Variants in CNGA1 observed in about 807,000 individuals in gnomAD.
CNGA1 encodes cyclic nucleotide gated channel subunit alpha 1.
Under a neutral mutation model 69.7 loss-of-function variants are expected in CNGA1, and 53 were observed. The ratio of observed to expected loss-of-function variants is 0.76; its 90% confidence interval spans 0.61 to 0.96. CNGA1 has a LOEUF of 0.96. Ranked by LOEUF, CNGA1 falls within the 40% of genes least tolerant of loss-of-function variation. The probability of loss-of-function intolerance (pLI) is 0.00; values close to 1 mark genes in which losing one functional copy is unlikely to be tolerated. For missense variants in CNGA1, 739 were observed against 811.2 expected (o/e 0.91, Z 1.08); for synonymous variants, 249 against 283.5 (o/e 0.88, Z 1.22).
At chr4:47,988,722 A>C (rs780409894) in intron 2 of CNGA1, among the ~76,000 whole-genome samples, 1 of 152,128 alleles carries the variant, frequency 6.6e-6, no homozygotes, top group Non-Finnish European at 1.5e-5. Context: ...CAATTCATCA[A>C]ATTGCCTCCT....
chr4:47,942,301 A>G (rs1200490943), intron 8 of CNGA1, among the ~76,000 whole-genome samples, 153 bp from the exon 9 acceptor site: 2 of 152,036 alleles, frequency 1.3e-5, no homozygotes, highest in African/African-American at 4.8e-5. Flanking sequence ...AGCATGGCAT[A>G]AGAGCACTAG....
chr4:47,980,063 C>A (rs1220458276), intron 3 of CNGA1, among the ~76,000 whole-genome samples: 1 of 152,140 alleles, frequency 6.6e-6, no homozygotes, highest in Non-Finnish European at 1.5e-5. Flanking sequence ...AGGGCGTATT[C>A]TCTAGGGGAC....
chr4:47,954,524 C>A (rs892523216), intron 3 of CNGA1, among the ~76,000 whole-genome samples: 1 of 152,202 alleles, frequency 6.6e-6, no homozygotes, highest in East Asian at 1.9e-4. Flanking sequence ...TGCCGCACGT[C>A]CTGCAAGGGG....
At chr4:47,941,123 T>G (rs187698698) in intron 9 of CNGA1, among the ~76,000 whole-genome samples, 40 of 152,224 alleles carry the variant, frequency 2.6e-4, no homozygotes, top group Admixed American at 2.4e-3. Flanking sequence ...CCAATAAGAA[T>G]AAGTGGGTTG....
At chr4:47,937,944 A>T (rs1157100009) in intron 10 of CNGA1, 115 bp from the exon 11 acceptor site, 1 of 738,758 alleles carries the variant, frequency 1.4e-6, no homozygotes, top group African/African-American at 1.8e-5. Context: ...ATTTTCAATA[A>T]ATATGCCTTT....
At chr4:47,970,410 G>A (rs1740950239) in intron 3 of CNGA1, among the ~76,000 whole-genome samples, 1 of 152,048 alleles carries the variant, frequency 6.6e-6, no homozygotes, top group Non-Finnish European at 1.5e-5. Context: ...CAGCACTTTG[G>A]GAGACTGAGG....
At chr4:47,953,630 T>C (rs2110162259) in intron 3 of CNGA1, among the ~76,000 whole-genome samples, 1 of 152,284 alleles carries the variant, frequency 6.6e-6, no homozygotes, top group African/African-American at 2.4e-5. Flanking sequence ...TCAGCTCAGG[T>C]AGAGGAGGCA....
rs775886085 is a variant in CNGA1 at position 47,940,786 on chromosome 4, T to A, written c.629A>T (p.Asp210Val). 3.7e-6 allele frequency: 6 copies of A among 1,605,864 alleles called. No individual in the cohort carries two copies. Among genetic ancestry groups the A allele is most frequent in the Non-Finnish European group, 5.1e-6 (6 of 1,172,804 alleles). ...DYVSDIVYLIDMFVRTRTGYL... is the reference protein window; with the variant it reads ...DYVSDIVYLIVMFVRTRTGYL... ...ACCTGTCCTTGTTCGTACAAACATA[T>A]CGATTAAATAGACTATGTCTGATAC... Residue 210 changes from aspartate (D) to valine (V), a missense_variant, in exon 10 of 11, where the codon GAT (aspartate) becomes GTT (valine). Physicochemically the swap from Asp to Val is radical, Grantham distance 152. Coordinates refer to ENST00000514170, the MANE Select transcript of CNGA1 (RefSeq NM_001379270.1).
At position 47,985,212 on chromosome 4, in the gene CNGA1, T is replaced by G. The variant is rs538919383; in HGVS notation, c.-122-3712A>C. ...ATTGTAAATACTTGAGAAGAGGCTA[T>G]CAATTTTAAAAAGACAAATATCAAA... On this transcript the variant is annotated intron_variant, in intron 2 of 10. Coordinates refer to ENST00000514170, the MANE Select transcript of CNGA1 (RefSeq NM_001379270.1). Among the ~76,000 whole-genome samples, 11 of 152,344 alleles carry G rather than the reference T, an allele frequency of 7.2e-5. No homozygotes were observed. In the South Asian group the frequency reaches 2.1e-3, roughly 29 times the overall value.
At chr4:47,981,131 T>C (rs141910528) in intron 3 of CNGA1, among the ~76,000 whole-genome samples, 7 of 152,336 alleles carry the variant, frequency 4.6e-5, no homozygotes, top group African/African-American at 1.7e-4. Context: ...TTTTGACTTC[T>C]AAAAATAAAA....
intron 2 of CNGA1, among the ~76,000 whole-genome samples, chr4:48,006,623 A>G (rs1714929627): frequency 6.8e-6 from 1 of 147,566 alleles, no homozygotes; most frequent in African/African-American, 2.5e-5. Context: ...GTTCAAAAAA[A>G]GACATAATTT....
intron 3 of CNGA1, among the ~76,000 whole-genome samples, chr4:47,955,546 G>C (rs557641195): frequency 6.6e-6 from 1 of 152,116 alleles, no homozygotes; most frequent in Non-Finnish European, 1.5e-5. Context: ...AAGGTACAAA[G>C]TGGTGTTCCA....
Position 47,936,410 on chromosome 4 carries a change from G to C in CNGA1, c.*11C>G. On this transcript the variant is annotated 3_prime_UTR_variant, in exon 11 of 11. Transcript: ENST00000514170. Reference sequence around the variant, plus strand: ...TGAGGCATGTCCCTGTTAATGACCAGCTTTTCGGTTCTATGTAGAGTCGAT... The same window carrying C: ...TGAGGCATGTCCCTGTTAATGACCACCTTTTCGGTTCTATGTAGAGTCGAT... 6.2e-7 allele frequency: 1 copy of C among 1,613,846 alleles called. No homozygotes were observed.
intron 3 of CNGA1, among the ~76,000 whole-genome samples, chr4:47,976,726 T>C (rs994628133): frequency 1.3e-5 from 2 of 152,220 alleles, no homozygotes; most frequent in African/African-American, 4.8e-5. Context: ...CAATCTGTAT[T>C]TCATTAATAT....
intron 3 of CNGA1, among the ~76,000 whole-genome samples, chr4:47,956,279 C>G (rs1459433748): frequency 6.6e-6 from 1 of 152,222 alleles, no homozygotes; most frequent in Non-Finnish European, 1.5e-5. Flanking sequence ...CGTCTGGTTA[C>G]TAGCTTTCCT....
At chr4:47,966,208 T>C (rs1740714550) in intron 3 of CNGA1, among the ~76,000 whole-genome samples, 1 of 152,246 alleles carries the variant, frequency 6.6e-6, no homozygotes, top group East Asian at 1.9e-4. Flanking sequence ...CTGATTGAAG[T>C]CATGCTCTAG....
At chr4:47,941,953 G>A in intron 9 of CNGA1, 88 bp downstream of exon 9, 1 of 772,118 alleles carries the variant, frequency 1.3e-6, no homozygotes, top group East Asian at 2.6e-5. Context: ...TGTCCTAAAG[G>A]GCTCTAAGTC....
chr4:47,970,719 A>G (rs1740970565), intron 3 of CNGA1, among the ~76,000 whole-genome samples: 1 of 150,876 alleles, frequency 6.6e-6, no homozygotes, highest in Admixed American at 6.6e-5. Flanking sequence ...CTTCTGCCAC[A>G]GTCTCAATCT....
intron 2 of CNGA1, among the ~76,000 whole-genome samples, chr4:47,995,170 T>C (rs1259385070): frequency 1.5e-5 from 2 of 134,178 alleles, no homozygotes; most frequent in African/African-American, 2.5e-5. Flanking sequence ...ATGATCTTTT[T>C]GTGATGAATT....
Sources: gnomAD v4.1 joint callset for allele counts (sites outside exome capture counted in the v4.1 genomes callset) on GRCh38, gnomAD v4.1.1 for gene constraint, MANE v1.5 for transcripts, NCBI Gene and HGNC (gene_info 2026-07-23, HGNC 2026-07-21) for gene names.